Variants in BMPR1B observed in about 807,000 individuals in gnomAD.
The protein encoded by BMPR1B is bone morphogenetic protein receptor type 1B.
Under a neutral mutation model 59.1 loss-of-function variants are expected in BMPR1B, and 12 were observed. That is an observed-to-expected ratio of 0.20 (90% CI 0.13 to 0.33). The LOEUF (loss-of-function observed/expected upper bound fraction) is 0.33. Among genes scored for constraint, BMPR1B ranks in the 10% least tolerant of loss-of-function variants. BMPR1B has a pLI of 1.00. For synonymous variants in BMPR1B, 237 were observed against 207.3 expected (o/e 1.14, Z -1.23); for missense variants, 550 against 610.9 (o/e 0.90, Z 1.05).
At chr4:94,873,620 A>G (rs1470915208) in intron 1 of BMPR1B, among the ~76,000 whole-genome samples, 1 of 152,004 alleles carries the variant, frequency 6.6e-6, no homozygotes, top group Non-Finnish European at 1.5e-5. Flanking sequence ...ATGTTGGCCA[A>G]GATGGTCTCG....
intron 3 of BMPR1B, among the ~76,000 whole-genome samples, chr4:95,076,893 A>G (rs1309435776): frequency 6.6e-6 from 1 of 152,178 alleles, no homozygotes; most frequent in Non-Finnish European, 1.5e-5. Flanking sequence ...TAGAAGATGA[A>G]GCTGGAATGG....
intron 2 of BMPR1B, among the ~76,000 whole-genome samples, chr4:94,942,680 T>C (rs1396450305): frequency 6.6e-6 from 1 of 152,230 alleles, no homozygotes; most frequent in Non-Finnish European, 1.5e-5. Context: ...GATACCAAAT[T>C]TAACTATTGC....
intron 10 of BMPR1B, among the ~76,000 whole-genome samples, chr4:95,139,094 G>A (rs1244431419): frequency 6.6e-6 from 1 of 152,118 alleles, no homozygotes; most frequent in Non-Finnish European, 1.5e-5. Context: ...TGGGGTTTTG[G>A]TGTGGATGTC....
chr4:94,961,731 A>G (rs1730360826), intron 2 of BMPR1B, among the ~76,000 whole-genome samples: 2 of 152,180 alleles, frequency 1.3e-5, no homozygotes, highest in African/African-American at 4.8e-5. Context: ...TGTTCTTTCC[A>G]TACTCAAGTG....
At chr4:94,919,968 G>C (rs1033832809) in intron 2 of BMPR1B, among the ~76,000 whole-genome samples, 1 of 151,996 alleles carries the variant, frequency 6.6e-6, no homozygotes, top group African/African-American at 2.4e-5. Context: ...TCTTTCAATT[G>C]TTCGTGAATA....
chr4:94,900,151 T>C (rs757478012), intron 2 of BMPR1B, among the ~76,000 whole-genome samples: 7 of 151,776 alleles, frequency 4.6e-5, no homozygotes, highest in African/African-American at 1.4e-4. Context: ...CTGTAACTTA[T>C]CCAGTCATAA....
chr4:95,157,708 T>C lies in BMPR1B; in HGVS notation c.*3035T>C, dbSNP rs1735517784. On this transcript the variant is annotated 3_prime_UTR_variant, in exon 13 of 13. Transcript: ENST00000515059. ...ATGTGGATTAGAGAGTAAGATATTA[T>C]GGATGATAAAGTACTAAATGAAACA... 1 of 151,898 alleles carries C rather than the reference T, an allele frequency of 6.6e-6. No homozygotes were observed. The highest frequency in any genetic ancestry group is 1.5e-5 in the Non-Finnish European group (1 of 67,948). The allele number at this position is 151,898 out of a possible 1,614,324, so 9.4% of individuals were successfully genotyped here. A position where few individuals can be genotyped will look rare whatever the true frequency, so the allele number is the denominator to read the frequency against.
intron 10 of BMPR1B, among the ~76,000 whole-genome samples, chr4:95,137,409 T>C (rs1248594245): frequency 3.3e-5 from 5 of 152,228 alleles, no homozygotes; most frequent in African/African-American, 1.2e-4. Flanking sequence ...GAGAGTTCTG[T>C]AGATGTCTAT....
intron 10 of BMPR1B, among the ~76,000 whole-genome samples, chr4:95,144,001 A>G (rs1471298917): frequency 7.0e-6 from 1 of 143,502 alleles, no homozygotes; most frequent in African/African-American, 2.6e-5. Context: ...ATTTCTCCCA[A>G]TTTTTTTTTT....
At chr4:94,907,150 A>G (rs1728075819) in intron 2 of BMPR1B, among the ~76,000 whole-genome samples, 2 of 152,104 alleles carry the variant, frequency 1.3e-5, no homozygotes, top group Admixed American at 1.3e-4. Context: ...GTGTTACTTT[A>G]GAATTTTGGA....
At chr4:94,980,817 A>T (rs988016887) in intron 2 of BMPR1B, among the ~76,000 whole-genome samples, 23 of 152,312 alleles carry the variant, frequency 1.5e-4, no homozygotes, top group African/African-American at 4.8e-4. Flanking sequence ...GAAGACAGGT[A>T]CTTAATACAA....
chr4:94,986,489 C>T (rs771464511), intron 2 of BMPR1B, among the ~76,000 whole-genome samples: 3 of 152,096 alleles, frequency 2.0e-5, no homozygotes, highest in Admixed American at 6.5e-5. Flanking sequence ...ATGTATTTTA[C>T]GTGACAATGT....
intron 3 of BMPR1B, among the ~76,000 whole-genome samples, chr4:95,024,359 T>A (rs1012624468): frequency 1.3e-5 from 2 of 152,222 alleles, no homozygotes; most frequent in African/African-American, 4.8e-5. Context: ...GGGTATCAGC[T>A]TTTTAGGATT....
At chr4:95,048,522 A>G (rs1236317302) in intron 3 of BMPR1B, among the ~76,000 whole-genome samples, 1 of 152,010 alleles carries the variant, frequency 6.6e-6, no homozygotes, top group Non-Finnish European at 1.5e-5. Flanking sequence ...GTATTTCACT[A>G]TGGTTTTGAT....
chr4:95,017,783 A>T (rs549375822), intron 3 of BMPR1B, among the ~76,000 whole-genome samples: 11 of 152,290 alleles, frequency 7.2e-5, no homozygotes, highest in African/African-American at 2.4e-4. Flanking sequence ...GCCTTGGTAT[A>T]TATCTTTTTC....
intron 3 of BMPR1B, among the ~76,000 whole-genome samples, chr4:95,090,947 A>G (rs1729931164): frequency 1.3e-5 from 2 of 152,232 alleles, no homozygotes; most frequent in South Asian, 2.1e-4. Context: ...AAATTTTCCA[A>G]ATTTTAAAAG....
chr4:94,876,418 G>C (rs1031423759), intron 2 of BMPR1B, among the ~76,000 whole-genome samples: 3 of 152,166 alleles, frequency 2.0e-5, no homozygotes, highest in African/African-American at 7.2e-5. Flanking sequence ...ATTAGTGAAC[G>C]TTAACTTGGA....
At chr4:94,886,703 CAG>C (rs1473144977) in intron 2 of BMPR1B, among the ~76,000 whole-genome samples, 4 of 152,152 alleles carry the variant, frequency 2.6e-5, no homozygotes, top group Non-Finnish European at 4.4e-5. Context: ...CACTTGAAGA[CAG>C]AGAATGACAT....
intron 2 of BMPR1B, among the ~76,000 whole-genome samples, chr4:94,995,637 A>G (rs716190): frequency 0.96 from 145,531 of 152,288 alleles, 69,572 homozygotes; most frequent in Middle Eastern, 0.99. Context: ...TTCTCCACCT[A>G]CCTGAGGAAA....
Sources: allele counts gnomAD v4.1 joint callset (sites outside exome capture counted in the v4.1 genomes callset), GRCh38; gene constraint gnomAD v4.1.1; transcripts MANE v1.5; gene names NCBI Gene and HGNC (gene_info 2026-07-23, HGNC 2026-07-21).